CLCA2: variants seen among roughly 807,000 people sequenced by gnomAD.
The protein encoded by CLCA2 is chloride channel accessory 2, also known as calcium-activated chloride channel regulator 2.
Under a neutral mutation model 82.9 loss-of-function variants are expected in CLCA2, and 85 were observed. The ratio of observed to expected loss-of-function variants is 1.03; its 90% CI spans 0.86 to 1.23. CLCA2 has a LOEUF of 1.23. Among genes scored for constraint, CLCA2 ranks in the 50% most tolerant of loss-of-function variants. CLCA2 has a pLI of 0.00. For synonymous variants in CLCA2, 421 were observed against 391.7 expected (o/e 1.07, Z -0.88); for missense variants, 1,089 against 1,124.8 (o/e 0.97, Z 0.45).
In CLCA2 at chr1:86,428,544, T is replaced by A; in HGVS notation, c.451T>A (p.Leu151Ile). ...ACCTAATTTCCTACTGAATGATAAC[T>A]TAACAGCTGGCTACGGATCACGAGG... ...FTPNFLLNDNLTAGYGSRGRV... is the reference protein window; with the variant it reads ...FTPNFLLNDNITAGYGSRGRV... The change falls in exon 3 of 14, where the codon TTA (leucine) becomes ATA (isoleucine). Residue 151 changes from leucine (L) to isoleucine (I), a missense_variant. Transcript: ENST00000370565. 6.2e-7 allele frequency: 1 copy of A among 1,613,266 alleles called. No individual in the cohort carries two copies. Among genetic ancestry groups the A allele is most frequent in the Non-Finnish European group, 8.5e-7 (1 of 1,179,390 alleles).
chr1:86,447,515 A>G lies in CLCA2; in HGVS notation c.1721A>G (p.His574Arg), dbSNP rs1167846080. ...LWIPGTAKPG[H>R]WTYTLNNTHH... is the part of the protein sequence containing the mutation. ...ATAAGACTTGTTTTACAGCCTGGGC[A>G]CTGGACTTACACCCTGAACAATACC... is the stretch of plus-strand genomic sequence containing the variant. Residue 574 changes from histidine to arginine, a missense_variant, in exon 11 of 14, where the codon CAC (histidine) becomes CGC (arginine). Physicochemically the swap from His to Arg is conservative, Grantham distance 29. Coordinates refer to ENST00000370565, the MANE Select transcript of CLCA2 (RefSeq NM_006536.7). 2 of 1,613,730 alleles carry G rather than the reference A, an allele frequency of 1.2e-6. No homozygotes were observed. The highest frequency in any genetic ancestry group is 2.2e-5 in the East Asian group (1 of 44,876).
chr1:86,450,704 C>T lies in CLCA2; in HGVS notation c.2126C>T (p.Ala709Val), dbSNP rs745980530. Reference protein sequence around the residue: ...TPAHSIPGSHAMYVPGYTANG... With the variant: ...TPAHSIPGSHVMYVPGYTANG... ...GCCCACTCTATTCCAGGGAGTCATG[C>T]TATGTATGTACCAGGTTACACAGCA... Residue 709 changes from alanine (A) to valine (V), a missense_variant, in exon 12 of 14, where the codon GCT (alanine) becomes GTT (valine). Transcript: ENST00000370565. The T allele has an allele frequency of 6.2e-7, 1 of 1,610,668 alleles. No individual in the cohort carries two copies. The highest frequency in any genetic ancestry group is 1.1e-5 in the South Asian group (1 of 90,248).
chr1:86,440,079 T>G (rs1662693752), intron 7 of CLCA2, 69 bp from the exon 8 acceptor site: 2 of 1,492,254 alleles, frequency 1.3e-6, no homozygotes, highest in African/African-American at 1.4e-5. Flanking sequence ...TGGATGAGAG[T>G]GAATTCTTTT....
Position 86,425,262 on chromosome 1 carries a change from T to C in CLCA2, c.187-77T>C, listed in dbSNP as rs1662364526. ...AAAATATTTCATTGTCTTTTATTAC[T>C]GTTTAAGCATACCAGAAAACCAAAA... On this transcript the variant is annotated intron_variant, in intron 1 of 13. Transcript: ENST00000370565. 11 of 1,018,132 alleles carry C rather than the reference T, an allele frequency of 1.1e-5. No individual in the cohort carries two copies. The South Asian group carries it at 1.9e-4, about 17-fold the overall frequency. The allele number at this position is 1,018,132 out of a possible 1,614,324, so 63.1% of individuals were successfully genotyped here. A position where few individuals can be genotyped will look rare whatever the true frequency, so the allele number is the denominator to read the frequency against.
Position 86,455,167 on chromosome 1 carries a change from A to G in CLCA2, c.2472A>G (p.Ser824=). ...ACAATGCTATTTTAGTAAATACATC[A>G]AAGCGAAATCCTCAGCAAGCTGGCA... ...DFNNAILVNT[S]KRNPQQAGIR... Residue 824 remains serine (S), a synonymous_variant, in exon 14 of 14, where the codon TCA becomes TCG. Coordinates refer to ENST00000370565, the MANE Select transcript of CLCA2 (RefSeq NM_006536.7). 3.1e-6 allele frequency: 5 copies of G among 1,613,298 alleles called. No homozygotes were observed. The highest frequency in any genetic ancestry group is 1.3e-5 in the African/African-American group (1 of 75,050).
At chr1:86,448,029 C>G in intron 11 of CLCA2, 1 of 495,304 alleles carries the variant, frequency 2.0e-6, no homozygotes, top group Admixed American at 3.5e-5. Context: ...CCGCTGGACA[C>G]CTTGGTCCTG....
intron 8 of CLCA2, among the ~76,000 whole-genome samples, 180 bp downstream of exon 8, chr1:86,440,505 T>G (rs1184038443): frequency 2.0e-5 from 3 of 152,148 alleles, no homozygotes; most frequent in Admixed American, 2.0e-4. Context: ...ACATTTTCCC[T>G]AAAGGTTCCA....
chr1:86,434,792 A>G, intron 6 of CLCA2, 47 bp downstream of exon 6: 1 of 1,439,974 alleles, frequency 6.9e-7, no homozygotes, highest in Non-Finnish European at 9.8e-7. Flanking sequence ...CATTTTTTCT[A>G]TCAGTTCTTT....
chr1:86,448,576 C>T (rs953983456), intron 11 of CLCA2: 7 of 152,168 alleles, frequency 4.6e-5, no homozygotes, highest in Non-Finnish European at 1.0e-4. Context: ...AGTAGACCTG[C>T]CTCTTGGCAG....
intron 11 of CLCA2, among the ~76,000 whole-genome samples, chr1:86,450,069 A>G (rs1662932159): frequency 6.6e-6 from 1 of 152,216 alleles, no homozygotes; most frequent in Admixed American, 6.5e-5. Context: ...ACACTATTTT[A>G]TAAACTAACC....
At position 86,440,941 on chromosome 1, in the gene CLCA2, G is replaced by A. The variant is rs1662717995; in HGVS notation, c.1382-496G>A. Among the ~76,000 whole-genome samples the A allele has an allele frequency of 2.0e-5, 3 of 151,914 alleles. No individual in the cohort carries two copies. In the South Asian group the frequency reaches 6.2e-4, roughly 32 times the overall value. ...TAAATGCACTAACTTCTATAATAGGGACACACACAGTGTTTTAAGATACAT... is the reference window on the plus strand; with the variant it reads ...TAAATGCACTAACTTCTATAATAGGAACACACACAGTGTTTTAAGATACAT... On this transcript the variant is annotated intron_variant, in intron 8 of 13. Transcript: ENST00000370565.
rs370665278 is a variant in CLCA2, at chr1:86,424,473, G to T, written c.186+40G>T. The T allele has an allele frequency of 2.7e-5, 42 of 1,550,070 alleles. 1 individual carries two copies. The African/African-American group carries it at 4.3e-4, about 16-fold the overall frequency. On this transcript the variant is annotated intron_variant, in intron 1 of 13. Coordinates refer to ENST00000370565, the MANE Select transcript of CLCA2 (RefSeq NM_006536.7). ...TGAAATTGATACTAGCATCCCATTT[G>T]ATCAGACCTGTAGCCTTATTTAGAA...
At chr1:86,430,351 T>A (rs939579464) in intron 3 of CLCA2, among the ~76,000 whole-genome samples, 1 of 152,168 alleles carries the variant, frequency 6.6e-6, no homozygotes, top group African/African-American at 2.4e-5. Flanking sequence ...TCTCCTTTTT[T>A]GCTCCTTCCT....
Position 86,455,172 on chromosome 1 carries a change from G to A in CLCA2, c.2477G>A (p.Arg826Gln), listed in dbSNP as rs150014170. ...NNAILVNTSK[R>Q]NPQQAGIREI... Reference sequence around the variant, plus strand: ...GCTATTTTAGTAAATACATCAAAGCGAAATCCTCAGCAAGCTGGCATCAGG... The same window carrying A: ...GCTATTTTAGTAAATACATCAAAGCAAAATCCTCAGCAAGCTGGCATCAGG... The change falls in exon 14 of 14, where the codon CGA (arginine) becomes CAA (glutamine). Residue 826 changes from arginine (R) to glutamine (Q), a missense_variant. By Grantham distance (43) the Arg-to-Gln change is conservative (BLOSUM62 1). Transcript: ENST00000370565. 202 of 1,613,140 alleles carry A rather than the reference G, an allele frequency of 1.3e-4. 1 individual carries two copies. Among genetic ancestry groups the A allele is most frequent in the Middle Eastern group, 1.6e-4 (1 of 6,080 alleles).
chr1:86,442,884 G>C (rs1662765480), intron 9 of CLCA2, among the ~76,000 whole-genome samples: 1 of 152,152 alleles, frequency 6.6e-6, no homozygotes, highest in Non-Finnish European at 1.5e-5. Context: ...CTAAAATGTG[G>C]ATAACAATAG....
Position 86,432,383 on chromosome 1 carries a change from T to A in CLCA2, c.599T>A (p.Ile200Asn), listed in dbSNP as rs188709539. Reference protein sequence around the residue: ...QIKVTRCSSDITGIFVCEKGP... With the variant: ...QIKVTRCSSDNTGIFVCEKGP... ...TCCATTTTTAGGTGTTCATCTGACATCACAGGCATTTTTGTGTGTGAAAAA... is the reference window on the plus strand; with the variant it reads ...TCCATTTTTAGGTGTTCATCTGACAACACAGGCATTTTTGTGTGTGAAAAA... The change falls in exon 5 of 14, where the codon ATC (isoleucine) becomes AAC (asparagine). Residue 200 changes from isoleucine to asparagine, a missense_variant. By Grantham distance (149) the Ile-to-Asn change is moderately radical. Coordinates refer to ENST00000370565, the MANE Select transcript of CLCA2 (RefSeq NM_006536.7). The A allele has an allele frequency of 6.2e-7, 1 of 1,613,828 alleles. No individual in the cohort carries two copies. The highest frequency in any genetic ancestry group is 1.7e-5 in the Admixed American group (1 of 59,914).
At chr1:86,448,524 T>C (rs1662900615) in intron 11 of CLCA2, 1 of 152,260 alleles carries the variant, frequency 6.6e-6, no homozygotes, top group African/African-American at 2.4e-5. Flanking sequence ...TGTTCCATCT[T>C]TCCTATTTGG....
intron 3 of CLCA2, among the ~76,000 whole-genome samples, chr1:86,429,006 G>A (rs1336635989): frequency 2.6e-5 from 4 of 152,130 alleles, no homozygotes; most frequent in Non-Finnish European, 5.9e-5. Flanking sequence ...GGGAGAAAAC[G>A]TTGAAACATA....
chr1:86,435,092 T>C (rs1398482719), intron 6 of CLCA2, among the ~76,000 whole-genome samples: 1 of 152,128 alleles, frequency 6.6e-6, no homozygotes, highest in African/African-American at 2.4e-5. Flanking sequence ...ACCATGCCTT[T>C]TCTATCAGTT....
Sources: gnomAD v4.1 joint callset for allele counts (sites outside exome capture counted in the v4.1 genomes callset) on GRCh38, gnomAD v4.1.1 for gene constraint, MANE v1.5 for transcripts, NCBI Gene and HGNC (gene_info 2026-07-23, HGNC 2026-07-21) for gene names.